PDE4DIP: variants seen among roughly 807,000 people sequenced by gnomAD.
The protein encoded by PDE4DIP is myomegalin.
In PDE4DIP, 59 loss-of-function variants were observed where a neutral mutation model predicts 221.4. The observed-to-expected ratio is 0.27, with a 90% CI of 0.22 to 0.33. The LOEUF (loss-of-function observed/expected upper bound fraction) is 0.33, where lower values mean the gene tolerates loss of function less well. Among genes scored for constraint, PDE4DIP ranks in the 10% least tolerant of loss-of-function variants. PDE4DIP has a pLI of 1.00. For synonymous variants in PDE4DIP, 404 were observed against 815.9 expected (o/e 0.50, Z 8.60); for missense variants, 1,036 against 2,154.2 (o/e 0.48, Z 10.28).
In PDE4DIP at chr1:148,918,651, A is replaced by ACG. The variant is rs71222091; in HGVS notation, c.142-10545_142-10544insGC. 1.8e-3 allele frequency among the ~76,000 whole-genome samples: 236 copies of ACG among 128,420 alleles called. 27 individuals carry two copies. The highest frequency in any genetic ancestry group is 8.7e-3 in the East Asian group (38 of 4,354). 84.2% of individuals were successfully genotyped at this position (128,420 alleles called of 152,430 possible). On this transcript the variant is annotated intron_variant, in intron 1 of 43. Coordinates refer to ENST00000369354, the Ensembl canonical transcript of PDE4DIP. ...CACACACACACACACACACACACAC[A>ACG]CACACACCCTAGCTGTGTCTATCCA...
chr1:148,954,029 T>G, intron 5 of PDE4DIP: 1 of 684,938 alleles, frequency 1.5e-6, no homozygotes, highest in Admixed American at 2.6e-5. Context: ...ATGACCCCAT[T>G]TTTGCTGCAC....
At position 148,966,908 on chromosome 1, in the gene PDE4DIP, G is replaced by A. The variant is rs141130081; in HGVS notation, c.1537G>A (p.Val513Met). 2.0e-3 allele frequency: 3,154 copies of A among 1,609,904 alleles called. 60 individuals carry two copies. In the African/African-American group the frequency reaches 0.038, roughly 20 times the overall value. The change falls in exon 12 of 44, where the codon GTG becomes ATG. Residue 513 changes from valine (V) to methionine (M), a missense_variant. Transcript: ENST00000369354. ...AGAACTGCGCCAGCTTCGTCTTGCT[G>A]TGAGAGAGCGAGATCATGACTTAGA... is the stretch of plus-strand genomic sequence containing the variant.
At chr1:148,815,139 ATAG>A (rs1326566181) in intron 1 of PDE4DIP, among the ~76,000 whole-genome samples, 1 of 105,242 alleles carries the variant, frequency 9.5e-6, no homozygotes, top group Non-Finnish European at 2.0e-5. Context: ...AATAAATAAA[ATAG>A]TAAAGTAGAA....
chr1:148,817,947 G>A (rs2149772170), intron 1 of PDE4DIP, among the ~76,000 whole-genome samples: 1 of 144,238 alleles, frequency 6.9e-6, no homozygotes, highest in South Asian at 2.2e-4. Flanking sequence ...CTCCTGAGTA[G>A]CTGGGATTAC....
chr1:149,017,921 G>A, intron 34 of PDE4DIP, 42 bp downstream of exon 37: 1 of 1,521,412 alleles, frequency 6.6e-7, no homozygotes, highest in Non-Finnish European at 9.1e-7. Flanking sequence ...CTCTATTTAG[G>A]GACTTTTAGG....
At position 148,953,916 on chromosome 1, in the gene PDE4DIP, C is replaced by G. The variant is rs587775821; in HGVS notation, c.637-6738C>G. ...CCGCTCCGGGTCCAGGTATACAAAA[C>G]GGCTACATAGTGCCTTTCTGATTAT... is the stretch of plus-strand genomic sequence containing the variant. On this transcript the variant is annotated intron_variant, in intron 5 of 43. Coordinates refer to ENST00000369354, the Ensembl canonical transcript of PDE4DIP. 674 of 1,607,710 alleles carry G rather than the reference C, an allele frequency of 4.2e-4. 6 individuals carry two copies. The East Asian group carries it at 0.015, about 35-fold the overall frequency.
intron 19 of PDE4DIP, among the ~76,000 whole-genome samples, chr1:148,978,700 A>C (rs2060603953): frequency 6.6e-6 from 1 of 152,050 alleles, no homozygotes; most frequent in African/African-American, 2.4e-5. Flanking sequence ...TTCCTGCCTC[A>C]GCCTCCTGAG....
At chr1:148,988,311 T>C (rs1469582177) in intron 21 of PDE4DIP, among the ~76,000 whole-genome samples, 1 of 139,882 alleles carries the variant, frequency 7.1e-6, no homozygotes, top group Non-Finnish European at 1.5e-5. Flanking sequence ...TTAAGGATGG[T>C]ATTTATTGAG....
intron 1 of PDE4DIP, among the ~76,000 whole-genome samples, chr1:148,832,776 A>G (rs1672447965): frequency 7.2e-6 from 1 of 138,480 alleles, no homozygotes; most frequent in Non-Finnish European, 1.6e-5. Context: ...CATCCCAGGG[A>G]TGAAGCCCAC....
chr1:148,999,254 T>C (rs1364173116), intron 23 of PDE4DIP: 4 of 151,118 alleles, frequency 2.6e-5, no homozygotes, highest in African/African-American at 7.3e-5. Flanking sequence ...GTAGGGCTGA[T>C]CCATTTATTC....
intron 33 of PDE4DIP, chr1:149,017,519 G>A (rs1208064276): frequency 4.6e-6 from 2 of 435,086 alleles, no homozygotes; most frequent in Non-Finnish European, 8.3e-6. Flanking sequence ...TGTGTGGGAG[G>A]AGGCCCATGG....
intron 21 of PDE4DIP, chr1:148,983,840 T>C (rs1342600504): frequency 1.4e-4 from 21 of 152,292 alleles, no homozygotes; most frequent in African/African-American, 5.1e-4. Context: ...ACTTAGGCCA[T>C]GCTTAATTGG....
chr1:148,894,423 GTTTC>G (rs1699897514), intron 1 of PDE4DIP, among the ~76,000 whole-genome samples: 1 of 102,456 alleles, frequency 9.8e-6, no homozygotes, highest in South Asian at 3.8e-4. Context: ...ATAAAAATTG[GTTTC>G]TTGAGACTGG....
intron 2 of PDE4DIP, chr1:148,930,496 G>A (rs587630605): frequency 4.7e-5 from 7 of 148,856 alleles, no homozygotes; most frequent in South Asian, 4.2e-4. Context: ...CAGCCTGGGC[G>A]ACAGAGCCAG....
chr1:148,922,840 C>G (rs1424394592), intron 1 of PDE4DIP, among the ~76,000 whole-genome samples: 1 of 151,254 alleles, frequency 6.6e-6, no homozygotes, highest in Non-Finnish European at 1.5e-5. Context: ...CCCGCCTCGG[C>G]CTCCCAAAGT....
Position 149,012,784 on chromosome 1 carries a change from C to T in PDE4DIP, c.5266+8C>T. 6.3e-7 allele frequency: 1 copy of T among 1,580,554 alleles called. No individual in the cohort carries two copies. The highest frequency in any genetic ancestry group is 8.6e-7 in the Non-Finnish European group (1 of 1,160,676). ...AGAAGCAGTTGGGAGAAAGTGAGCA[C>T]TTCTGCATTTGTGTGCTTGCGATTG... On this transcript the variant is annotated splice_region_variant and intron_variant, in intron 32 of 43. Transcript: ENST00000369354.
At chr1:148,967,889 G>C (rs1196976893) in exon 13 of PDE4DIP, 3 of 905,500 alleles carry the variant, frequency 3.3e-6, no homozygotes, top group Non-Finnish European at 5.3e-6. Flanking sequence ...CTTCATGATA[G>C]GAACAAAGAA....
rs1559354088 is a variant in PDE4DIP at position 149,016,558 on chromosome 1, A to G, written c.5518+8A>G. The G allele has an allele frequency of 1.6e-6, 1 of 612,598 alleles. No individual in the cohort carries two copies. Among genetic ancestry groups the G allele is most frequent in the Admixed American group, 2.9e-5 (1 of 34,216 alleles). The allele number at this position is 612,598 out of a possible 1,614,324, so 37.9% of individuals were successfully genotyped here. ...TTAACTCCAAACCCACAGGTAAAGC[A>G]CAAAGCAGAGATGGCAGCCTTTGAA... On this transcript the variant is annotated splice_region_variant and intron_variant, in intron 33 of 43. Coordinates refer to ENST00000369354, the Ensembl canonical transcript of PDE4DIP.
chr1:149,032,212 G>A (rs1406065405), exon 44 of PDE4DIP: 26 of 749,524 alleles, frequency 3.5e-5, no homozygotes, highest in Non-Finnish European at 3.5e-5. Context: ...AATACGATTA[G>A]CCAAGGTCCA....
Sources: gnomAD v4.1 joint callset for allele counts (sites outside exome capture counted in the v4.1 genomes callset) on GRCh38, gnomAD v4.1.1 for gene constraint, MANE v1.5 for transcripts, NCBI Gene and HGNC (gene_info 2026-07-23, HGNC 2026-07-21) for gene names.